Variants in ANGPT2 observed in about 807,000 individuals in gnomAD.
The protein encoded by ANGPT2 is angiopoietin 2.
ANGPT2 carries 28 observed loss-of-function variants against 62.9 expected under a neutral mutation model. That is an observed-to-expected ratio of 0.44 (90% CI 0.33 to 0.61). The LOEUF is 0.61. ANGPT2 is among the 20% of genes least tolerant of loss of function. ANGPT2 has a pLI of 0.03. For missense variants in ANGPT2, 727 were observed against 594.9 expected (o/e 1.22, Z -2.31); for synonymous variants, 284 against 207.8 (o/e 1.37, Z -3.15).
At chr8:6,559,749 G>A (rs767587240) in intron 1 of ANGPT2, among the ~76,000 whole-genome samples, 3 of 152,196 alleles carry the variant, frequency 2.0e-5, no homozygotes, top group Non-Finnish European at 2.9e-5. Flanking sequence ...TTTATAAAGT[G>A]TGTTTAATAT....
chr8:6,551,647 C>A (rs1410900306), intron 1 of ANGPT2, among the ~76,000 whole-genome samples: 1 of 152,058 alleles, frequency 6.6e-6, no homozygotes, highest in Non-Finnish European at 1.5e-5. Context: ...TGATTCAGGT[C>A]AGGAATTCCT....
intron 8 of ANGPT2, among the ~76,000 whole-genome samples, chr8:6,505,306 TATA>T (rs1297906635): frequency 0.081 from 4,410 of 54,758 alleles, 782 homozygotes; most frequent in African/African-American, 0.25. Context: ...TATATATGTA[TATA>T]ACATATATAT....
intron 8 of ANGPT2, chr8:6,507,453 C>G (rs1813973670): frequency 6.6e-6 from 1 of 152,172 alleles, no homozygotes; most frequent in South Asian, 2.1e-4. Context: ...CAGTGTTTTT[C>G]AAGAACTAAC....
At chr8:6,554,304 G>T (rs1236969503) in intron 1 of ANGPT2, among the ~76,000 whole-genome samples, 2 of 142,892 alleles carry the variant, frequency 1.4e-5, no homozygotes, top group African/African-American at 5.8e-5. Flanking sequence ...ATTTTAAAAA[G>T]AGAGAAAAAA....
rs754246756 is a variant in ANGPT2 at position 6,562,706 on chromosome 8, C to A, written c.229G>T (p.Val77Leu). The A allele has an allele frequency of 6.2e-7, 1 of 1,613,022 alleles. No homozygotes were observed. Among genetic ancestry groups the A allele is most frequent in the Non-Finnish European group, 8.5e-7 (1 of 1,179,238 alleles). The part of the protein sequence containing the change: ...RDAPLEYDDS[V>L]QRLQVLENIM... ...TTCTCCAGCACTTGCAGCCTCTGCACCGAGTCATCGTATTCGAGCGGCGCG... is the reference window on the plus strand; with the variant it reads ...TTCTCCAGCACTTGCAGCCTCTGCAACGAGTCATCGTATTCGAGCGGCGCG... Residue 77 changes from valine to leucine, a missense_variant, in exon 1 of 9, where the codon GTG (valine) becomes TTG (leucine). Coordinates refer to ENST00000629816, the MANE Select transcript of ANGPT2 (RefSeq NM_001118887.2).
intron 3 of ANGPT2, among the ~76,000 whole-genome samples, chr8:6,524,742 C>A (rs948602980): frequency 1.3e-5 from 2 of 152,136 alleles, no homozygotes; most frequent in Admixed American, 1.3e-4. Flanking sequence ...GAATGTCTCC[C>A]TTGAGGAAAA....
Position 6,542,179 on chromosome 8 carries a change from AAAT to A in ANGPT2, c.289-9695_289-9693del, listed in dbSNP as rs1340565593. Among the ~76,000 whole-genome samples, 12 of 152,138 alleles carry A rather than the reference AAAT, an allele frequency of 7.9e-5. No homozygotes were observed. In the South Asian group the frequency reaches 1.2e-3, roughly 16 times the overall value. On this transcript the variant is annotated intron_variant, in intron 1 of 8. Coordinates refer to ENST00000629816, the MANE Select transcript of ANGPT2 (RefSeq NM_001118887.2). ...TGAATTTAAGGCACACTGAAAGAAA[AAAT>A]AATAATAATGTAACAAAATGTCTCA...
chr8:6,533,602 A>G (rs1355830233), intron 1 of ANGPT2, among the ~76,000 whole-genome samples: 1 of 136,534 alleles, frequency 7.3e-6, no homozygotes, highest in African/African-American at 2.7e-5. Context: ...TAAATAATCT[A>G]ATGATGGGAA....
intron 1 of ANGPT2, among the ~76,000 whole-genome samples, chr8:6,553,764 C>T (rs2959763): frequency 0.13 from 19,761 of 151,800 alleles, 3,566 homozygotes; most frequent in African/African-American, 0.41. Context: ...GTTTCCCCAT[C>T]CCCTTTTGGG....
At chr8:6,552,974 T>G (rs562761342) in intron 1 of ANGPT2, among the ~76,000 whole-genome samples, 2 of 152,310 alleles carry the variant, frequency 1.3e-5, no homozygotes, top group South Asian at 4.1e-4. Flanking sequence ...GCTGTGCAGG[T>G]AGAGCACAGA....
At chr8:6,547,172 C>T (rs996288094) in intron 1 of ANGPT2, among the ~76,000 whole-genome samples, 1 of 151,978 alleles carries the variant, frequency 6.6e-6, no homozygotes, top group Non-Finnish European at 1.5e-5. Flanking sequence ...ACCATCCTCA[C>T]TTGCTCTAAG....
rs1401547357 is a variant in ANGPT2, at chr8:6,505,506, T to C, written c.1328-2245A>G. Among the ~76,000 whole-genome samples the C allele has an allele frequency of 3.1e-3, 13 of 4,246 alleles. 1 individual carries two copies. The highest frequency in any genetic ancestry group is 4.3e-3 in the Admixed American group (1 of 230). 2.8% of individuals were successfully genotyped at this position (4,246 alleles called of 152,430 possible). On this transcript the variant is annotated intron_variant, in intron 8 of 8. Transcript: ENST00000629816. ...AATATATATATTCTTTATATATGTA[T>C]ATATAGAATATATATTCTTTATATA... is the stretch of plus-strand genomic sequence containing the variant.
chr8:6,546,989 A>G (rs1030812419), intron 1 of ANGPT2, among the ~76,000 whole-genome samples: 15 of 152,190 alleles, frequency 9.9e-5, no homozygotes, highest in African/African-American at 3.6e-4. Context: ...TCAGGTGAAC[A>G]GCATTTATAA....
At chr8:6,532,634 A>C (rs1376888220) in intron 1 of ANGPT2, 147 bp from the exon 2 acceptor site, 1 of 668,984 alleles carries the variant, frequency 1.5e-6, no homozygotes, top group Non-Finnish European at 2.2e-6. Flanking sequence ...TTGGAATCTT[A>C]CTATTTTTTT....
At chr8:6,557,415 AT>A (rs747071152) in intron 1 of ANGPT2, among the ~76,000 whole-genome samples, 6 of 152,144 alleles carry the variant, frequency 3.9e-5, no homozygotes, top group African/African-American at 1.2e-4. Context: ...CCCTGTTGCG[AT>A]TGCTGCCTTC....
At chr8:6,514,580 T>C (rs1332425503) in intron 6 of ANGPT2, 97 bp downstream of exon 6, 3 of 1,033,272 alleles carry the variant, frequency 2.9e-6, no homozygotes, top group Non-Finnish European at 3.0e-6. Flanking sequence ...TCAAAAGTCA[T>C]TGGTTAGTTT....
At chr8:6,551,337 C>T (rs942126691) in intron 1 of ANGPT2, among the ~76,000 whole-genome samples, 3 of 152,112 alleles carry the variant, frequency 2.0e-5, no homozygotes, top group Admixed American at 6.5e-5. Context: ...TAATTCTATG[C>T]ATGTCAGCTG....
Position 6,532,476 on chromosome 8 carries a change from A to G in ANGPT2, c.300T>C (p.Tyr100=), listed in dbSNP as rs766306564. The change falls in exon 2 of 9, where the codon TAT becomes TAC. Residue 100 remains tyrosine, a synonymous_variant. Coordinates refer to ENST00000629816, the MANE Select transcript of ANGPT2 (RefSeq NM_001118887.2). The part of the protein sequence containing the change: ...NTQWLMKLEN[Y]IQDNMKKEMV... ...TTTCTTTCTTCATGTTGTCCTGGAT[A>G]TAATTCTCAAGCTAGAAAAGAACAG... The G allele has an allele frequency of 8.1e-6, 13 of 1,611,846 alleles. No homozygotes were observed. Among genetic ancestry groups the G allele is most frequent in the Non-Finnish European group, 1.1e-5 (13 of 1,179,184 alleles).
chr8:6,558,834 C>G (rs909904042), intron 1 of ANGPT2, among the ~76,000 whole-genome samples: 1 of 151,982 alleles, frequency 6.6e-6, no homozygotes, highest in Non-Finnish European at 1.5e-5. Flanking sequence ...AATATATAAT[C>G]CATATAGAGT....
Sources: allele counts gnomAD v4.1 joint callset (sites outside exome capture counted in the v4.1 genomes callset), GRCh38; gene constraint gnomAD v4.1.1; transcripts MANE v1.5; gene names NCBI Gene and HGNC (gene_info 2026-07-23, HGNC 2026-07-21).